Variants in FBXO10 observed in about 807,000 individuals in gnomAD.
FBXO10 encodes F-box protein 10.
Under a neutral mutation model 80.7 loss-of-function variants are expected in FBXO10, and 39 were observed. That is an observed-to-expected ratio of 0.48 (90% CI 0.37 to 0.63). The LOEUF (loss-of-function observed/expected upper bound fraction) is 0.63, where lower values mean the gene tolerates loss of function less well. Among genes scored for constraint, FBXO10 ranks in the 30% least tolerant of loss-of-function variants. The probability of loss-of-function intolerance (pLI) is 0.00; values close to 1 mark genes in which losing one functional copy is unlikely to be tolerated. For missense variants in FBXO10, 1,025 were observed against 1,269.0 expected (o/e 0.81, Z 2.92); for synonymous variants, 449 against 489.6 (o/e 0.92, Z 1.09).
At position 37,537,429 on chromosome 9, in the gene FBXO10, T is replaced by C; in HGVS notation, c.1100A>G (p.Glu367Gly). The change falls in exon 3 of 11, where the codon GAG becomes GGG. Residue 367 changes from glutamate (E) to glycine (G), a missense_variant. Glu to Gly is a moderately conservative substitution (Grantham distance 98). Around this residue, in one of 3 missense-constraint regions of FBXO10, gnomAD observed 450 missense variants for 499.4 expected, o/e 0.90. Coordinates refer to ENST00000432825, the MANE Select transcript of FBXO10 (RefSeq NM_012166.3). ...GLSPSGEDED[E>G]DQLMYRLSYQ... Reference sequence around the variant, plus strand: ...GGATAGTCTGTACATCAGCTGGTCCTCATCTTCATCCTCACCGCTGGGACT... The same window carrying C: ...GGATAGTCTGTACATCAGCTGGTCCCCATCTTCATCCTCACCGCTGGGACT... 1 of 1,600,834 alleles carries C rather than the reference T, an allele frequency of 6.2e-7. No individual in the cohort carries two copies.
intron 2 of FBXO10, among the ~76,000 whole-genome samples, chr9:37,539,295 T>C (rs1024130840): frequency 6.6e-6 from 1 of 152,256 alleles, no homozygotes; most frequent in Non-Finnish European, 1.5e-5. Flanking sequence ...TCTCTGGAGA[T>C]GCAGAGCCAC....
intron 1 of FBXO10, among the ~76,000 whole-genome samples, chr9:37,549,319 C>T (rs1179121244): frequency 6.6e-6 from 1 of 152,180 alleles, no homozygotes; most frequent in Non-Finnish European, 1.5e-5. Flanking sequence ...ACATTTTAAA[C>T]ATGTGAAACA....
At chr9:37,547,882 T>C (rs1358131265) in intron 1 of FBXO10, among the ~76,000 whole-genome samples, 2 of 151,296 alleles carry the variant, frequency 1.3e-5, no homozygotes, top group African/African-American at 4.9e-5. Context: ...CCCTTGAGTC[T>C]AGGAGTTTGA....
chr9:37,561,813 T>C (rs780639564), intron 1 of FBXO10, among the ~76,000 whole-genome samples: 1 of 152,002 alleles, frequency 6.6e-6, no homozygotes, highest in Non-Finnish European at 1.5e-5. Context: ...GGTTAAGGGG[T>C]ATATGTGCAT....
At chr9:37,575,039 C>CT (rs1425715831) in intron 1 of FBXO10, among the ~76,000 whole-genome samples, 1 of 152,170 alleles carries the variant, frequency 6.6e-6, no homozygotes, top group Non-Finnish European at 1.5e-5. Flanking sequence ...TCCTGTCGTC[C>CT]TTCTGGGTCC....
chr9:37,575,864 C>T (rs547922964), intron 1 of FBXO10, among the ~76,000 whole-genome samples: 5 of 152,328 alleles, frequency 3.3e-5, no homozygotes, highest in Admixed American at 6.5e-5. Flanking sequence ...TCCCAAGAGT[C>T]AGCTTCTTCT....
chr9:37,523,620 A>G (rs994023735), intron 6 of FBXO10, among the ~76,000 whole-genome samples: 1 of 152,120 alleles, frequency 6.6e-6, no homozygotes, highest in African/African-American at 2.4e-5. Flanking sequence ...CCAAACAAAA[A>G]GGAAACAAAA....
At chr9:37,538,149 G>A (rs1021342304) in intron 2 of FBXO10, among the ~76,000 whole-genome samples, 5 of 152,042 alleles carry the variant, frequency 3.3e-5, no homozygotes, top group African/African-American at 7.2e-5. Flanking sequence ...GGAGCTGCCC[G>A]CACCTCCATC....
intron 8 of FBXO10, among the ~76,000 whole-genome samples, chr9:37,519,488 T>A (rs1349317271): frequency 6.6e-6 from 1 of 151,654 alleles, no homozygotes; most frequent in Non-Finnish European, 1.5e-5. Flanking sequence ...CAACAAGGGT[T>A]GGGGCAGTGC....
rs539444251 is a variant in FBXO10, at chr9:37,520,979, G to A, written c.2200+590C>T. On this transcript the variant is annotated intron_variant, in intron 8 of 10. Transcript: ENST00000432825. The stretch of plus-strand genomic sequence containing the variant: ...TAACAAGTGCCAGTGGGGATGGGGA[G>A]GGCCCAGTTCAAAGGAGGAAGGAAT... Among the ~76,000 whole-genome samples, 31 of 152,138 alleles carry A rather than the reference G, an allele frequency of 2.0e-4. 1 individual carries two copies. The highest frequency in any genetic ancestry group is 4.3e-4 in the Non-Finnish European group (29 of 68,038).
chr9:37,530,081 T>C (rs1821580240), intron 4 of FBXO10, among the ~76,000 whole-genome samples: 1 of 152,230 alleles, frequency 6.6e-6, no homozygotes, highest in Non-Finnish European at 1.5e-5. Flanking sequence ...CTCTTTCCCA[T>C]TCCAGTTAGT....
chr9:37,541,532 G>A lies in FBXO10; in HGVS notation c.237C>T (p.Tyr79=), dbSNP rs1821918647. The change falls in exon 2 of 11, where the codon TAC becomes TAT. Residue 79 remains tyrosine (Y), a synonymous_variant. Coordinates refer to ENST00000432825, the MANE Select transcript of FBXO10 (RefSeq NM_012166.3). Reference sequence around the variant, plus strand: ...TCTTGGTCCATGTCTTGGATGCAAGGTAATGCTGCTTGAAGGCTTCTCTCC... The same window carrying A: ...TCTTGGTCCATGTCTTGGATGCAAGATAATGCTGCTTGAAGGCTTCTCTCC... The part of the protein sequence containing the change: ...ESWREAFKQH[Y]LASKTWTKNA... The A allele has an allele frequency of 1.2e-6, 2 of 1,613,840 alleles. No individual in the cohort carries two copies. Among genetic ancestry groups the A allele is most frequent in the South Asian group, 2.2e-5 (2 of 91,056 alleles).
rs563757681 is a variant in FBXO10 at position 37,524,961 on chromosome 9, G to A, written c.1777+141C>T. ...GAAGCACAGCCACCATGCAGCTGGC[G>A]TCCCTGAGCTCCAGCCCACCAGTCA... is the stretch of plus-strand genomic sequence containing the variant. On this transcript the variant is annotated intron_variant, in intron 6 of 10. Coordinates refer to ENST00000432825, the MANE Select transcript of FBXO10 (RefSeq NM_012166.3). The A allele has an allele frequency of 5.2e-5, 36 of 692,442 alleles. No homozygotes were observed. The East Asian group carries it at 7.8e-4, about 15-fold the overall frequency. 42.9% of individuals were successfully genotyped at this position (692,442 alleles called of 1,614,324 possible).
At chr9:37,520,522 C>T (rs112853008) in intron 8 of FBXO10, among the ~76,000 whole-genome samples, 13 of 83,408 alleles carry the variant, frequency 1.6e-4, no homozygotes, top group African/African-American at 5.4e-4. Flanking sequence ...CCTTCTTCTT[C>T]TTTTTTTTTT....
At chr9:37,538,752 G>C (rs974155257) in intron 2 of FBXO10, among the ~76,000 whole-genome samples, 3 of 150,850 alleles carry the variant, frequency 2.0e-5, no homozygotes, top group Non-Finnish European at 4.4e-5. Flanking sequence ...TTGACTGCAA[G>C]TGTTATCTTG....
At chr9:37,518,920 T>TC (rs966055364) in intron 8 of FBXO10, among the ~76,000 whole-genome samples, 2 of 151,536 alleles carry the variant, frequency 1.3e-5, no homozygotes, top group East Asian at 3.9e-4. Context: ...TTTCTTTTTT[T>TC]TTTTTTTGAG....
Position 37,575,761 on chromosome 9 carries a change from G to A in FBXO10, c.-7+450C>T, listed in dbSNP as rs148539623. On this transcript the variant is annotated intron_variant, in intron 1 of 10. Transcript: ENST00000432825. ...GCATAAAATACACAGTGGGTGCCCA[G>A]CCCCATATTTGCCCCTTGAGATTTG... 19 of 152,258 alleles carry A rather than the reference G, an allele frequency of 1.2e-4. No homozygotes were observed. In the East Asian group the frequency reaches 3.7e-3, roughly 29 times the overall value. The allele number at this position is 152,258 out of a possible 1,614,324, so 9.4% of individuals were successfully genotyped here. A position where few individuals can be genotyped will look rare whatever the true frequency, so the allele number is the denominator to read the frequency against.
chr9:37,575,869 T>G (rs748755969), intron 1 of FBXO10, among the ~76,000 whole-genome samples: 21 of 152,154 alleles, frequency 1.4e-4, no homozygotes, highest in Non-Finnish European at 2.6e-4. Flanking sequence ...AGAGTCAGCT[T>G]CTTCTTCTTC....
rs371163323 is a variant in FBXO10, at chr9:37,516,049, C to T, written c.2551G>A (p.Gly851Ser). 1.3e-4 allele frequency: 202 copies of T among 1,613,650 alleles called. 2 individuals carry two copies. The highest frequency in any genetic ancestry group is 3.3e-4 in the Middle Eastern group (2 of 6,058). ...KNRIHSFRAYGIAVRGRAKAL... is the reference protein window; with the variant it reads ...KNRIHSFRAYSIAVRGRAKAL... ...TTGGCACGGCCCCGCACGGCGATGC[C>T]GTAGGCCCGGAACGAGTGGATCCGG... Residue 851 changes from glycine to serine, a missense_variant, in exon 10 of 11, where the codon GGC becomes AGC. This residue lies in a region of FBXO10 where 478 missense variants were observed against 667.8 expected (regional missense o/e 0.72). Coordinates refer to ENST00000432825, the MANE Select transcript of FBXO10 (RefSeq NM_012166.3).
Sources: gnomAD v4.1 joint callset for allele counts (sites outside exome capture counted in the v4.1 genomes callset) on GRCh38, gnomAD v4.1.1 for gene constraint, gnomAD v4.1.1 regional missense constraint, MANE v1.5 for transcripts, NCBI Gene and HGNC (gene_info 2026-07-23, HGNC 2026-07-21) for gene names.